The following PIWIL1 variants were observed in gnomAD, a reference collection of about 807,000 sequenced individuals.
PIWIL1 encodes the protein piwi like RNA-mediated gene silencing 1.
Under a neutral mutation model 114.4 loss-of-function variants are expected in PIWIL1, and 73 were observed. The ratio of observed to expected loss-of-function variants is 0.64; its 90% confidence interval spans 0.53 to 0.78. PIWIL1 has a LOEUF of 0.78. Ranked by LOEUF, PIWIL1 falls within the 30% of genes least tolerant of loss-of-function variation. The pLI is 0.00. For synonymous variants in PIWIL1, 375 were observed against 369.0 expected, an observed-to-expected ratio of 1.02 and a Z score of -0.19; for missense variants, 723 against 1,063.1, an observed-to-expected ratio of 0.68 and a Z score of 4.45.
chr12:130,396,717 T>G, the PIWIL1 span: 9 of 152,672 alleles, frequency 5.9e-5, no homozygotes, highest in African/African-American at 2.2e-4. Context: ...TCCTTTTCTC[T>G]TTTTTGAATG....
chr12:130,393,886 C>T, the PIWIL1 span, among the ~76,000 whole-genome samples: 5 of 152,136 alleles, frequency 3.3e-5, no homozygotes, highest in African/African-American at 7.2e-5. Context: ...CCAATATCAG[C>T]GGTTTCATGT....
chr12:130,414,365 C>T, the PIWIL1 span: 174 of 1,488,592 alleles, frequency 1.2e-4, no homozygotes, highest in African/African-American at 1.6e-3. Context: ...GGAGCGTGCA[C>T]GGGAAATGCA....
intron 14 of PIWIL1, among the ~76,000 whole-genome samples, chr12:130,360,508 C>T (rs1435215246): frequency 6.6e-6 from 1 of 152,174 alleles, no homozygotes; most frequent in African/African-American, 2.4e-5. Flanking sequence ...TGGTGCGAAC[C>T]TGTAGTCCCA....
chr12:130,355,693 T>C (rs763583559), intron 12 of PIWIL1, 26 bp downstream of exon 12: 1 of 1,496,868 alleles, frequency 6.7e-7, no homozygotes. Flanking sequence ...GTTGGTGTTG[T>C]TGTTGTTTTT....
the PIWIL1 span, chr12:130,414,284 A>T: frequency 6.2e-7 from 1 of 1,602,540 alleles, no homozygotes; most frequent in East Asian, 2.2e-5. Context: ...AGTCTGGAGA[A>T]AGGCGGTCTC....
In PIWIL1 at chr12:130,354,782, C is replaced by G. The variant is rs928677048; in HGVS notation, c.1172-106C>G. 7 of 1,428,104 alleles carry G rather than the reference C, an allele frequency of 4.9e-6. No individual in the cohort carries two copies. In the African/African-American group the frequency reaches 8.6e-5, roughly 18 times the overall value. The allele number at this position is 1,428,104 out of a possible 1,614,324, so 88.5% of individuals were successfully genotyped here. A position where few individuals can be genotyped will look rare whatever the true frequency, so the allele number is the denominator to read the frequency against. Reference sequence around the variant, plus strand: ...CCCCCCAGAAAACCTTTTATTAAAACTGCTTTGTCTCCTGGGAATTCCCAC... The same window carrying G: ...CCCCCCAGAAAACCTTTTATTAAAAGTGCTTTGTCTCCTGGGAATTCCCAC... On this transcript the variant is annotated intron_variant, in intron 10 of 20. Coordinates refer to ENST00000245255, the MANE Select transcript of PIWIL1 (RefSeq NM_004764.5).
At chr12:130,390,371 C>T in the PIWIL1 span, among the ~76,000 whole-genome samples, 2 of 152,112 alleles carry the variant, frequency 1.3e-5, no homozygotes, top group Non-Finnish European at 2.9e-5. Context: ...GCAGACTGCC[C>T]CAGAAGGTAG....
At chr12:130,424,971 G>C in the PIWIL1 span, 1,555 of 556,754 alleles carry the variant, frequency 2.8e-3, 3 homozygotes, top group Non-Finnish European at 3.7e-3. The surrounding 1 kb of genome is among the most constrained non-coding windows in gnomAD (Gnocchi z 9.8). Context: ...AGGCACCGAG[G>C]GGGGGGAAGC....
At chr12:130,355,493 G>T in intron 11 of PIWIL1, 60 bp from the exon 12 acceptor site, 1 of 1,243,794 alleles carries the variant, frequency 8.0e-7, no homozygotes, top group South Asian at 1.2e-5. Context: ...ATATCTGTTT[G>T]ACTGTGTCTT....
In PIWIL1 at chr12:130,353,280, G is replaced by GT. The variant is rs1428742627; in HGVS notation, c.1045-1251dup. Among the ~76,000 whole-genome samples, 19 of 138,110 alleles carry GT rather than the reference G, an allele frequency of 1.4e-4. No homozygotes were observed. In the South Asian group the frequency reaches 4.1e-3, roughly 30 times the overall value. 90.6% of individuals were successfully genotyped at this position (138,110 alleles called of 152,430 possible). A position where few individuals can be genotyped will look rare whatever the true frequency, so the allele number is the denominator to read the frequency against. On this transcript the variant is annotated intron_variant, in intron 9 of 20. Transcript: ENST00000245255. The stretch of plus-strand genomic sequence containing the variant: ...TATGCTCAGTGGAGGTGTGTGTGTG[G>GT]TTTTTTGTTCTTCTGGTGTGCTCAG...
At chr12:130,368,860 G>A (rs373749904) in intron 19 of PIWIL1, among the ~76,000 whole-genome samples, 19 of 151,846 alleles carry the variant, frequency 1.3e-4, no homozygotes, top group African/African-American at 3.9e-4. Context: ...GATGCTATTC[G>A]GACACCTGGA....
the PIWIL1 span, chr12:130,412,735 C>T: frequency 2.0e-5 from 33 of 1,613,754 alleles, no homozygotes; most frequent in Middle Eastern, 1.6e-4. Context: ...AAGGCCAAGC[C>T]GGGCACAGGT....
the PIWIL1 span, among the ~76,000 whole-genome samples, chr12:130,382,041 A>G: frequency 6.6e-6 from 1 of 152,214 alleles, no homozygotes; most frequent in African/African-American, 2.4e-5. Context: ...CATATTTTAG[A>G]TAACAGTCCT....
At chr12:130,381,886 A>G in the PIWIL1 span, among the ~76,000 whole-genome samples, 3 of 152,122 alleles carry the variant, frequency 2.0e-5, no homozygotes, top group Non-Finnish European at 4.4e-5. Context: ...TTACTTTGCA[A>G]TGCCCTGAGG....
At chr12:130,405,876 T>C in the PIWIL1 span, among the ~76,000 whole-genome samples, 1 of 152,196 alleles carries the variant, frequency 6.6e-6, no homozygotes, top group South Asian at 2.1e-4. Flanking sequence ...TGTAAATGTT[T>C]GGGTGGCAGC....
chr12:130,414,351 C>T, the PIWIL1 span: 3 of 1,520,562 alleles, frequency 2.0e-6, no homozygotes, highest in Non-Finnish European at 8.8e-7. Flanking sequence ...GTGAGCCTAA[C>T]TGAGGAGCGT....
At chr12:130,343,621 CTTTTTTTTT>C (rs533583982) in intron 3 of PIWIL1, among the ~76,000 whole-genome samples, 2 of 116,492 alleles carry the variant, frequency 1.7e-5, no homozygotes, top group Non-Finnish European at 3.5e-5. Context: ...TTGAAGGATT[CTTTTTTTTT>C]TTTTTTTTTT....
chr12:130,400,184 G>A, the PIWIL1 span, among the ~76,000 whole-genome samples: 312 of 152,188 alleles, frequency 2.1e-3, 7 homozygotes, highest in East Asian at 0.045. Context: ...AAAACACATC[G>A]CTCAGCACAC....
At chr12:130,414,599 C>T in the PIWIL1 span, 169 of 251,976 alleles carry the variant, frequency 6.7e-4, 1 homozygote, top group African/African-American at 3.4e-3. Flanking sequence ...GGGCTGCGGC[C>T]GTGCCAGGGG....
Sources: allele counts gnomAD v4.1 joint callset (sites outside exome capture counted in the v4.1 genomes callset), GRCh38; gene constraint gnomAD v4.1.1; non-coding constraint Gnocchi (gnomAD v3.1); transcripts MANE v1.5; gene names NCBI Gene and HGNC (gene_info 2026-07-23, HGNC 2026-07-21).